P3H2: variants seen among roughly 807,000 people sequenced by gnomAD.
The protein encoded by P3H2 is leprecan-like 1.
A neutral mutation model predicts 87.0 loss-of-function variants in P3H2; 80 were observed. The ratio of observed to expected loss-of-function variants is 0.92; its 90% CI spans 0.77 to 1.11. The LOEUF (loss-of-function observed/expected upper bound fraction) is 1.11, where lower values mean the gene tolerates loss of function less well. Ranked by LOEUF, P3H2 falls within the 50% of genes least tolerant of loss-of-function variation. The probability of loss-of-function intolerance (pLI) is 0.00; values close to 1 mark genes in which losing one functional copy is unlikely to be tolerated. For synonymous variants in P3H2, 367 were observed against 359.3 expected (o/e 1.02, Z -0.24); for missense variants, 1,001 against 923.9 (o/e 1.08, Z -1.08).
chr3:190,084,931 G>A (rs76457563), intron 1 of P3H2, among the ~76,000 whole-genome samples: 1,877 of 148,346 alleles, frequency 0.013, 43 homozygotes, highest in African/African-American at 0.044. Flanking sequence ...AGTTTTTGTC[G>A]AGAGCTAAGA....
intron 1 of P3H2, among the ~76,000 whole-genome samples, chr3:190,042,294 A>C (rs1389601090): frequency 2.0e-5 from 3 of 152,162 alleles, no homozygotes; most frequent in African/African-American, 7.2e-5. Flanking sequence ...GTTTGTGGCA[A>C]GTAACTATGA....
At chr3:189,996,745 G>A (rs79066771) in intron 1 of P3H2, among the ~76,000 whole-genome samples, 1 of 142,666 alleles carries the variant, frequency 7.0e-6, no homozygotes, top group Non-Finnish European at 1.5e-5. Context: ...CTTATTATGT[G>A]TCAATTAAAA....
intron 1 of P3H2, among the ~76,000 whole-genome samples, chr3:190,044,050 T>C (rs1412686393): frequency 6.6e-6 from 1 of 152,184 alleles, no homozygotes; most frequent in Admixed American, 6.5e-5. Context: ...GAAAGAGAGA[T>C]TGTTATATTT....
intron 1 of P3H2, among the ~76,000 whole-genome samples, chr3:190,118,010 A>C (rs1361702769): frequency 6.6e-6 from 1 of 152,206 alleles, no homozygotes; most frequent in Non-Finnish European, 1.5e-5. Flanking sequence ...AAACTTCATT[A>C]ATTCATCAGA....
intron 1 of P3H2, among the ~76,000 whole-genome samples, chr3:190,029,559 C>CA (rs372515770): frequency 1.3e-4 from 19 of 151,128 alleles, no homozygotes; most frequent in Admixed American, 5.3e-4. Flanking sequence ...ATTTCTGACT[C>CA]AAAAAAACAT....
intron 13 of P3H2, among the ~76,000 whole-genome samples, chr3:189,970,523 T>A (rs996312697): frequency 2.0e-5 from 3 of 151,764 alleles, no homozygotes; most frequent in Non-Finnish European, 4.4e-5. Flanking sequence ...TCAGATTACT[T>A]GACAAAGAAT....
chr3:189,960,438 G>T (rs887705577), intron 14 of P3H2, among the ~76,000 whole-genome samples: 1 of 152,170 alleles, frequency 6.6e-6, no homozygotes, highest in Middle Eastern at 3.2e-3. Context: ...TGTGGCAAGA[G>T]TTCTATTTTC....
intron 1 of P3H2, among the ~76,000 whole-genome samples, chr3:190,065,495 G>A (rs904442200): frequency 6.6e-6 from 1 of 152,054 alleles, no homozygotes; most frequent in Non-Finnish European, 1.5e-5. Flanking sequence ...TGAGATTTAG[G>A]AGTTTCTCTT....
chr3:189,959,985 C>A (rs1722764956), intron 14 of P3H2, among the ~76,000 whole-genome samples: 1 of 151,912 alleles, frequency 6.6e-6, no homozygotes, highest in South Asian at 2.1e-4. Flanking sequence ...CCTGTGGAAT[C>A]CGACTCCTGC....
chr3:189,972,578 A>G (rs1198163081), intron 11 of P3H2, among the ~76,000 whole-genome samples: 1 of 152,158 alleles, frequency 6.6e-6, no homozygotes. Context: ...CATGTTCCTG[A>G]TTCCTCAAAA....
chr3:190,095,736 G>A (rs886309077), intron 1 of P3H2, among the ~76,000 whole-genome samples: 1 of 151,838 alleles, frequency 6.6e-6, no homozygotes, highest in Non-Finnish European at 1.5e-5. Context: ...GAGTAGCTGG[G>A]ACTACAGGCG....
intron 1 of P3H2, among the ~76,000 whole-genome samples, chr3:190,101,067 T>A (rs1222594231): frequency 6.6e-6 from 1 of 152,094 alleles, no homozygotes; most frequent in Admixed American, 6.5e-5. Context: ...CCACAAACCA[T>A]GCCCATATAA....
At chr3:190,054,927 CCAAA>C (rs1726101809) in intron 1 of P3H2, among the ~76,000 whole-genome samples, 1 of 152,130 alleles carries the variant, frequency 6.6e-6, no homozygotes, top group Non-Finnish European at 1.5e-5. Flanking sequence ...TTAAATGCCC[CCAAA>C]CAGACACCAT....
At chr3:190,030,752 A>G in intron 1 of P3H2, among the ~76,000 whole-genome samples, 1 of 152,198 alleles carries the variant, frequency 6.6e-6, no homozygotes, top group East Asian at 1.9e-4. Flanking sequence ...GTGAGAGAAA[A>G]TGGGAGAAAA....
intron 1 of P3H2, among the ~76,000 whole-genome samples, chr3:190,004,459 T>C (rs955218082): frequency 3.3e-5 from 5 of 152,202 alleles, no homozygotes; most frequent in African/African-American, 1.2e-4. Flanking sequence ...CTCGGCTCAC[T>C]GCAAGCTCCG....
rs749183285 is a variant in P3H2, at chr3:189,986,788, C to G, written c.1188G>C (p.Pro396=). 1.9e-6 allele frequency: 3 copies of G among 1,587,754 alleles called. No individual in the cohort carries two copies. Among genetic ancestry groups the G allele is most frequent in the Admixed American group, 1.7e-5 (1 of 59,976 alleles). ...AEGLGFSYTE[P]NYWIRYGGRQ... ...ATAAACGTTTCCTCTTTCCTCTTAC[C>G]GGTTCAGTGTATGAAAACCCCAGAC... Residue 396 remains proline (P), a splice_region_variant and synonymous_variant, in exon 6 of 15, where the codon CCG becomes CCC. Transcript: ENST00000319332.
chr3:189,969,930 C>T (rs989951488), intron 13 of P3H2: 16 of 761,834 alleles, frequency 2.1e-5, no homozygotes, highest in South Asian at 1.2e-4. Context: ...GGCCAAAGAG[C>T]GGCAGCAGTC....
At chr3:190,052,048 A>T (rs890922470) in intron 1 of P3H2, among the ~76,000 whole-genome samples, 3 of 152,208 alleles carry the variant, frequency 2.0e-5, no homozygotes, top group Admixed American at 6.5e-5. Flanking sequence ...CAAAGAAAAA[A>T]GTGGAGAAAT....
chr3:190,044,286 C>G (rs1374100906), intron 1 of P3H2, among the ~76,000 whole-genome samples: 1 of 152,164 alleles, frequency 6.6e-6, no homozygotes, highest in Non-Finnish European at 1.5e-5. Context: ...CTGCATAATC[C>G]TAACACATGA....
Sources: gnomAD v4.1 joint callset for allele counts (sites outside exome capture counted in the v4.1 genomes callset) on GRCh38, gnomAD v4.1.1 for gene constraint, MANE v1.5 for transcripts, NCBI Gene and HGNC (gene_info 2026-07-23, HGNC 2026-07-21) for gene names.